Variants in PTPRN2 observed in about 807,000 individuals in gnomAD.
The protein encoded by PTPRN2 is receptor-type tyrosine-protein phosphatase N2.
In PTPRN2, 74 loss-of-function variants were observed where a neutral mutation model predicts 118.8. The observed-to-expected ratio is 0.62, with a 90% CI of 0.52 to 0.76. PTPRN2 has a LOEUF of 0.76. PTPRN2 is among the 30% of genes least tolerant of loss of function. PTPRN2 has a pLI of 0.00. For synonymous variants in PTPRN2, 641 were observed against 608.0 expected, an observed-to-expected ratio of 1.05 and a Z score of -0.80; for missense variants, 1,481 against 1,394.4, an observed-to-expected ratio of 1.06 and a Z score of -0.99.
intron 3 of PTPRN2, among the ~76,000 whole-genome samples, chr7:158,261,740 C>T (rs1384253282): frequency 2.0e-5 from 3 of 152,200 alleles, no homozygotes; most frequent in Non-Finnish European, 4.4e-5. Context: ...CTGTGGAAGA[C>T]GCCATGCAGA....
intron 12 of PTPRN2, among the ~76,000 whole-genome samples, chr7:157,783,151 T>C (rs1803789125): frequency 6.6e-6 from 1 of 152,340 alleles, no homozygotes; most frequent in Admixed American, 6.5e-5. Context: ...TCTGCTGTGA[T>C]TGTAAGTTTC....
At chr7:157,773,355 G>A (rs1006354318) in intron 12 of PTPRN2, among the ~76,000 whole-genome samples, 4 of 152,134 alleles carry the variant, frequency 2.6e-5, no homozygotes, top group Non-Finnish European at 4.4e-5. Context: ...GGAGAGAGGC[G>A]GCTCCCAACC....
chr7:157,598,354 C>T lies in PTPRN2; in HGVS notation c.2419-3039G>A, dbSNP rs930899004. On this transcript the variant is annotated intron_variant, in intron 16 of 22. Coordinates refer to ENST00000389418, the MANE Select transcript of PTPRN2 (RefSeq NM_002847.5). This position sits in a 1 kb window ranked among gnomAD's most constrained non-coding sequence, Gnocchi z 5.2. ...CAAACTGCCCGGCTGTGGGAAAAGG[C>T]CTGTCATATCTCCAGGCCTCAGTCT... Among the ~76,000 whole-genome samples the T allele has an allele frequency of 1.3e-5, 2 of 152,200 alleles. No homozygotes were observed. Among genetic ancestry groups the T allele is most frequent in the African/African-American group, 4.8e-5 (2 of 41,430 alleles).
intron 2 of PTPRN2, among the ~76,000 whole-genome samples, chr7:158,462,827 G>T (rs189313289): frequency 1.3e-5 from 2 of 152,344 alleles, no homozygotes; most frequent in East Asian, 1.9e-4. Flanking sequence ...TGAGTTGAAG[G>T]TTGGGACACA....
intron 12 of PTPRN2, among the ~76,000 whole-genome samples, chr7:157,888,700 C>T (rs1369982518): frequency 6.6e-5 from 10 of 152,330 alleles, no homozygotes; most frequent in South Asian, 2.1e-4. Context: ...TGATGACTTT[C>T]GTTACTGTGA....
intron 1 of PTPRN2, among the ~76,000 whole-genome samples, chr7:158,520,940 G>C (rs1448117022): frequency 1.3e-5 from 2 of 152,126 alleles, no homozygotes; most frequent in African/African-American, 4.8e-5. Context: ...GCACCCTGCA[G>C]GCCATGAGGG....
In PTPRN2 at chr7:157,603,164, A is replaced by G. The variant is rs1801783972; in HGVS notation, c.2418+838T>C. Among the ~76,000 whole-genome samples the G allele has an allele frequency of 7.2e-6, 1 of 138,350 alleles. No individual in the cohort carries two copies. The highest frequency in any genetic ancestry group is 1.5e-5 in the Non-Finnish European group (1 of 64,840). The allele number at this position is 138,350 out of a possible 152,430, so 90.8% of individuals were successfully genotyped here. A position where few individuals can be genotyped will look rare whatever the true frequency, so the allele number is the denominator to read the frequency against. ...CATCCCGCCCCCGCCACCTGCCACC[A>G]TCACTGCTCATCTGAACACCCAGTC... On this transcript the variant is annotated intron_variant, in intron 16 of 22. Transcript: ENST00000389418. This position sits in a 1 kb window ranked among gnomAD's most constrained non-coding sequence, Gnocchi z 5.4.
In PTPRN2 at chr7:158,587,783, G is replaced by A; in HGVS notation, c.-114C>T. ...GCCGGCTCCTCCCGCCGCGCCTCTC[G>A]CGCTCTTGCGGCGACGCCGGGCCGA... On this transcript the variant is annotated 5_prime_UTR_variant, in exon 1 of 23. Coordinates refer to ENST00000389418, the MANE Select transcript of PTPRN2 (RefSeq NM_002847.5). 1 of 980,146 alleles carries A rather than the reference G, an allele frequency of 1.0e-6. No homozygotes were observed. Among genetic ancestry groups the A allele is most frequent in the South Asian group, 4.6e-5 (1 of 21,768 alleles). The allele number at this position is 980,146 out of a possible 1,614,324, so 60.7% of individuals were successfully genotyped here.
At chr7:158,469,735 C>CAAAAAAAAAA (rs56040599) in intron 2 of PTPRN2, among the ~76,000 whole-genome samples, 1 of 67,518 alleles carries the variant, frequency 1.5e-5, no homozygotes, top group Non-Finnish European at 3.3e-5. Context: ...AAAACCTGGC[C>CAAAAAAAAAA]AAAAAAAAAA....
At chr7:158,013,162 G>T (rs960144869) in intron 11 of PTPRN2, among the ~76,000 whole-genome samples, 1 of 152,152 alleles carries the variant, frequency 6.6e-6, no homozygotes, top group Admixed American at 6.5e-5. Context: ...AGCTTAGGAG[G>T]GCTTCCATAA....
chr7:158,338,603 AGGCC>A (rs1806138422), intron 2 of PTPRN2, among the ~76,000 whole-genome samples: 26 of 94,824 alleles, frequency 2.7e-4, no homozygotes, highest in South Asian at 4.4e-4. Flanking sequence ...ATAAGAGCTG[AGGCC>A]CACAGAGGAC....
At chr7:158,163,501 T>C (rs1047643098) in intron 6 of PTPRN2, among the ~76,000 whole-genome samples, 1 of 150,968 alleles carries the variant, frequency 6.6e-6, no homozygotes, top group African/African-American at 2.4e-5. Context: ...TACGGGGTTC[T>C]CAATTCTCTC....
At chr7:158,520,360 C>G (rs149505400) in intron 1 of PTPRN2, among the ~76,000 whole-genome samples, 1 of 152,220 alleles carries the variant, frequency 6.6e-6, no homozygotes, top group Non-Finnish European at 1.5e-5. Context: ...ACTCTGAGAA[C>G]TTATTTTTCC....
At chr7:158,058,282 C>G (rs1271664433) in intron 11 of PTPRN2, among the ~76,000 whole-genome samples, 1 of 141,526 alleles carries the variant, frequency 7.1e-6, no homozygotes, top group African/African-American at 2.7e-5. Flanking sequence ...CCCCATCTGC[C>G]CACGGTGAGA....
At chr7:157,792,414 C>A (rs1291146286) in intron 12 of PTPRN2, among the ~76,000 whole-genome samples, 2 of 152,224 alleles carry the variant, frequency 1.3e-5, no homozygotes, top group Non-Finnish European at 1.5e-5. Flanking sequence ...GGACATTAGC[C>A]AGCAGTGGAG....
intron 9 of PTPRN2, among the ~76,000 whole-genome samples, chr7:158,111,243 G>A (rs1173263956): frequency 1.3e-5 from 2 of 152,234 alleles, no homozygotes; most frequent in African/African-American, 2.4e-5. Flanking sequence ...ACTGAGGATG[G>A]GGCGGATCCA....
chr7:157,956,622 C>T (rs1801201955), intron 11 of PTPRN2, among the ~76,000 whole-genome samples: 1 of 152,236 alleles, frequency 6.6e-6, no homozygotes, highest in African/African-American at 2.4e-5. Context: ...GCTGCCAGTG[C>T]TCCCCAGGGG....
chr7:157,641,181 G>T (rs1363255487), intron 14 of PTPRN2, among the ~76,000 whole-genome samples: 4 of 152,190 alleles, frequency 2.6e-5, no homozygotes, highest in Non-Finnish European at 4.4e-5. Context: ...ATATTGTTAA[G>T]CCAAGCATGG....
chr7:157,542,691 G>A (rs544022654), intron 22 of PTPRN2, among the ~76,000 whole-genome samples: 4 of 152,290 alleles, frequency 2.6e-5, no homozygotes, highest in African/African-American at 4.8e-5. Flanking sequence ...GAAGGGAACC[G>A]GGCCACAGAG....
Sources: gnomAD v4.1 joint callset for allele counts (sites outside exome capture counted in the v4.1 genomes callset) on GRCh38, gnomAD v4.1.1 for gene constraint, Gnocchi (gnomAD v3.1) non-coding constraint, MANE v1.5 for transcripts, NCBI Gene and HGNC (gene_info 2026-07-23, HGNC 2026-07-21) for gene names.